Variants in STRN observed in about 807,000 individuals in gnomAD.
STRN encodes protein phosphatase 2 regulatory subunit B'''alpha.
A neutral mutation model predicts 96.3 loss-of-function variants in STRN; 53 were observed. That is an observed-to-expected ratio of 0.55 (90% confidence interval 0.44 to 0.69). The LOEUF is 0.69. Ranked by LOEUF, STRN falls within the 30% of genes least tolerant of loss-of-function variation. The pLI, the probability that STRN is intolerant of heterozygous loss-of-function variation, is 0.00. For synonymous variants in STRN, 428 were observed against 355.9 expected, an observed-to-expected ratio of 1.20 and a Z score of -2.28; for missense variants, 987 against 963.9, an observed-to-expected ratio of 1.02 and a Z score of -0.32.
chr2:36,903,833 T>C (rs754363976), intron 4 of STRN, among the ~76,000 whole-genome samples: 2 of 152,224 alleles, frequency 1.3e-5, no homozygotes, highest in African/African-American at 2.4e-5. Flanking sequence ...CCAACTTTCC[T>C]AAATTTAAAG....
rs111470934 is a variant in STRN at position 36,851,189 on chromosome 2, A to G, written c.1979-82T>C. The G allele has an allele frequency of 1.2e-3, 1,585 of 1,284,928 alleles. 35 individuals carry two copies. The African/African-American group carries it at 0.02, about 16-fold the overall frequency. The allele number at this position is 1,284,928 out of a possible 1,614,324, so 79.6% of individuals were successfully genotyped here. A position where few individuals can be genotyped will look rare whatever the true frequency, so the allele number is the denominator to read the frequency against. On this transcript the variant is annotated intron_variant, in intron 15 of 17. Coordinates refer to ENST00000263918, the MANE Select transcript of STRN (RefSeq NM_003162.4). The stretch of plus-strand genomic sequence containing the variant: ...AGGAGAACTGAATTATCTATCTAAG[A>G]GACTGAAAAAGTAGGCCGGCCGCGG...
intron 12 of STRN, among the ~76,000 whole-genome samples, chr2:36,866,881 T>C (rs1395206557): frequency 1.3e-5 from 2 of 152,230 alleles, no homozygotes; most frequent in African/African-American, 2.4e-5. Flanking sequence ...GCTTGGTTGA[T>C]TGTTCTTCAT....
At chr2:36,913,367 A>T (rs377449914) in intron 3 of STRN, among the ~76,000 whole-genome samples, 31 of 152,198 alleles carry the variant, frequency 2.0e-4, no homozygotes, top group Middle Eastern at 3.4e-3. Context: ...CCATTTCTCA[A>T]ATGTGCCAGT....
Position 36,873,899 on chromosome 2 carries a change from C to A in STRN, c.1323+3992G>T, listed in dbSNP as rs559308688. 1.2e-4 allele frequency among the ~76,000 whole-genome samples: 18 copies of A among 148,088 alleles called. No homozygotes were observed. In the East Asian group the frequency reaches 3.2e-3, roughly 26 times the overall value. ...CAGAGGTTGCAGTGAGCCGAGATTA[C>A]GCCACTGCACTCCAGTCTGGCGACA... is the stretch of plus-strand genomic sequence containing the variant. On this transcript the variant is annotated intron_variant, in intron 10 of 17. Transcript: ENST00000263918.
intron 1 of STRN, among the ~76,000 whole-genome samples, chr2:36,950,503 T>G (rs906250641): frequency 7.9e-5 from 12 of 152,138 alleles, no homozygotes; most frequent in Non-Finnish European, 1.5e-5. Context: ...GGCGTAGTTT[T>G]TACTTAGGGA....
At chr2:36,894,129 G>C in intron 6 of STRN, 96 bp from the exon 7 acceptor site, 3 of 1,411,866 alleles carry the variant, frequency 2.1e-6, no homozygotes, top group Non-Finnish European at 2.8e-6. Context: ...GTATACGTTT[G>C]TTGTGTTAAA....
intron 2 of STRN, among the ~76,000 whole-genome samples, chr2:36,921,168 G>A (rs1572675810): frequency 6.6e-6 from 1 of 152,128 alleles, no homozygotes; most frequent in South Asian, 2.1e-4. Flanking sequence ...TCATGTTCCT[G>A]CTGCCTTACT....
intron 1 of STRN, among the ~76,000 whole-genome samples, chr2:36,927,945 T>C (rs1572681144): frequency 1.3e-5 from 2 of 152,244 alleles, no homozygotes; most frequent in East Asian, 3.9e-4. Flanking sequence ...GACAAGAATA[T>C]GTATACAACC....
intron 3 of STRN, among the ~76,000 whole-genome samples, chr2:36,915,237 ATAT>A (rs2148217339): frequency 2.8e-5 from 1 of 35,960 alleles, no homozygotes; most frequent in South Asian, 9.4e-4. Flanking sequence ...ACATAAATAT[ATAT>A]ATATATATAT....
intron 1 of STRN, among the ~76,000 whole-genome samples, chr2:36,956,623 C>A (rs780983647): frequency 1.3e-5 from 2 of 152,212 alleles, no homozygotes; most frequent in African/African-American, 2.4e-5. Flanking sequence ...ATTATCTGAA[C>A]TTTCAAACAC....
chr2:36,937,354 A>T (rs1285007820), intron 1 of STRN, among the ~76,000 whole-genome samples: 12 of 150,398 alleles, frequency 8.0e-5, no homozygotes, highest in African/African-American at 3.0e-4. Context: ...AAAAAAAAAA[A>T]AAAAGAAAAG....
At chr2:36,857,494 G>C (rs907709457) in intron 14 of STRN, among the ~76,000 whole-genome samples, 8 of 151,760 alleles carry the variant, frequency 5.3e-5, no homozygotes, top group African/African-American at 1.9e-4. Flanking sequence ...GGCCAACACA[G>C]CAAAACCCTG....
At chr2:36,902,028 ATTATT>A (rs1669696263) in intron 5 of STRN, among the ~76,000 whole-genome samples, 1 of 152,202 alleles carries the variant, frequency 6.6e-6, no homozygotes, top group South Asian at 2.1e-4. Context: ...ACTGTTTATG[ATTATT>A]TTAAGTAGAA....
intron 3 of STRN, among the ~76,000 whole-genome samples, chr2:36,907,789 A>C (rs1220206095): frequency 6.6e-6 from 1 of 152,182 alleles, no homozygotes; most frequent in African/African-American, 2.4e-5. Context: ...ACAATAAGAA[A>C]TTAGAGAAAT....
At chr2:36,855,088 G>T in intron 15 of STRN, 124 bp downstream of exon 15, 1 of 1,007,984 alleles carries the variant, frequency 9.9e-7, no homozygotes, top group Non-Finnish European at 1.4e-6. Context: ...AAGTAACTGT[G>T]TTCTGAAAGT....
Position 36,849,116 on chromosome 2 carries a change from T to G in STRN, c.*340A>C. On this transcript the variant is annotated 3_prime_UTR_variant, in exon 18 of 18. Coordinates refer to ENST00000263918, the MANE Select transcript of STRN (RefSeq NM_003162.4). ...AGCTATCAAGCTTTTAAATTATCCATTGTAGCATGCCCTACTTACTCAACA... is the reference window on the plus strand; with the variant it reads ...AGCTATCAAGCTTTTAAATTATCCAGTGTAGCATGCCCTACTTACTCAACA... 1 of 215,540 alleles carries G rather than the reference T, an allele frequency of 4.6e-6. No homozygotes were observed. Among genetic ancestry groups the G allele is most frequent in the Non-Finnish European group, 9.3e-6 (1 of 107,184 alleles). The allele number at this position is 215,540 out of a possible 1,614,324, so 13.4% of individuals were successfully genotyped here. A position where few individuals can be genotyped will look rare whatever the true frequency, so the allele number is the denominator to read the frequency against.
intron 1 of STRN, among the ~76,000 whole-genome samples, chr2:36,929,880 T>C (rs547856369): frequency 6.6e-6 from 1 of 152,298 alleles, no homozygotes; most frequent in South Asian, 2.1e-4. Context: ...TAAAATATTA[T>C]AAAGCTTGAT....
intron 5 of STRN, among the ~76,000 whole-genome samples, chr2:36,901,288 C>T (rs775242261): frequency 3.9e-5 from 6 of 152,146 alleles, no homozygotes; most frequent in Non-Finnish European, 7.4e-5. Context: ...CGTGGGGGCT[C>T]ATGCCGGTAA....
intron 1 of STRN, among the ~76,000 whole-genome samples, chr2:36,953,919 C>G (rs1267041031): frequency 2.0e-5 from 3 of 151,918 alleles, no homozygotes; most frequent in Non-Finnish European, 4.4e-5. Context: ...TCAACTGAGC[C>G]CAGGAGTGTG....
Sources: gnomAD v4.1 joint callset for allele counts (sites outside exome capture counted in the v4.1 genomes callset) on GRCh38, gnomAD v4.1.1 for gene constraint, MANE v1.5 for transcripts, NCBI Gene and HGNC (gene_info 2026-07-23, HGNC 2026-07-21) for gene names.